The following FREM3 variants were observed in gnomAD, a reference collection of about 807,000 sequenced individuals.
FREM3 encodes FRAS1 related extracellular matrix 3, also known as FRAS1-related extracellular matrix protein 3.
FREM3 carries 105 observed loss-of-function variants against 129.1 expected under a neutral mutation model. The ratio of observed to expected loss-of-function variants is 0.81; its 90% CI spans 0.69 to 0.96. The LOEUF is 0.96. Ranked by LOEUF, FREM3 falls within the 40% of genes least tolerant of loss-of-function variation. The pLI, the probability that FREM3 is intolerant of heterozygous loss-of-function variation, is 0.00. For synonymous variants in FREM3, 1,014 were observed against 1,044.9 expected (o/e 0.97, Z 0.57); for missense variants, 2,593 against 2,666.3 (o/e 0.97, Z 0.61).
In FREM3 at chr4:143,698,953, C is replaced by A; in HGVS notation, c.1723G>T (p.Glu575Ter). ...AGCACAAAGTGGATGGTTGAGTCCT[C>A]AGAGTCAATATCAGTAGCACTCAGT... ...FVLSATDIDSEDSTIHFVLEN... is the reference protein window; with the variant it reads ...FVLSATDIDS The change falls in exon 1 of 8, where the codon GAG becomes TAG. Residue 575 changes from glutamate to a stop codon, truncating the protein, a stop_gained. Transcript: ENST00000329798. LOFTEE classifies it high-confidence loss of function. The A allele has an allele frequency of 1.3e-6, 2 of 1,537,212 alleles. No homozygotes were observed. The highest frequency in any genetic ancestry group is 8.7e-7 in the Non-Finnish European group (1 of 1,146,896).
rs542518402 is a variant in FREM3, at chr4:143,697,324, G to A, written c.3352C>T (p.Leu1118=). Residue 1118 remains leucine, a synonymous_variant, in exon 1 of 8, where the codon CTG becomes TTG. Coordinates refer to ENST00000329798, the MANE Select transcript of FREM3 (RefSeq NM_001168235.2). ...CCAGGAGCTGATGCAATCTTTTCCA[G>A]GTAGCCAGAGGCTGGCTGACTAGTC... ...TVTSQPASGY[L]EKIASAPGSK... The A allele has an allele frequency of 1.2e-5, 18 of 1,537,152 alleles. No homozygotes were observed. The African/African-American group carries it at 1.4e-4, about 12-fold the overall frequency.
chr4:143,671,848 G>C (rs1012992830), intron 2 of FREM3, among the ~76,000 whole-genome samples: 1 of 152,208 alleles, frequency 6.6e-6, no homozygotes, highest in African/African-American at 2.4e-5. Flanking sequence ...GTATGGGCAA[G>C]TCTACATCAC....
chr4:143,697,127 A>T lies in FREM3; in HGVS notation c.3549T>A (p.Pro1183=), dbSNP rs1483592635. The T allele has an allele frequency of 6.5e-7, 1 of 1,537,784 alleles. No individual in the cohort carries two copies. The highest frequency in any genetic ancestry group is 8.7e-7 in the Non-Finnish European group (1 of 1,147,052). ...GINFSPNVFF[P]IIILPTNDEQ... is the part of the protein sequence containing the mutation. ...CATCATTGGTGGGTAGGATGATTAT[A>T]GGGAAGAAGACATTTGGGGAGAAGT... The change falls in exon 1 of 8, where the codon CCT becomes CCA. Residue 1183 remains proline (P), a synonymous_variant. Transcript: ENST00000329798.
At position 143,627,341 on chromosome 4, in the gene FREM3, T is replaced by C. The variant is rs1192289361; in HGVS notation, c.5422+273A>G. ...ATTGTGGGATGGCTATGAAGTGTCT[T>C]AATTTTCCTGGAGACTGGTGAGTTA... On this transcript the variant is annotated intron_variant, in intron 3 of 7. Coordinates refer to ENST00000329798, the MANE Select transcript of FREM3 (RefSeq NM_001168235.2). 2.0e-5 allele frequency among the ~76,000 whole-genome samples: 3 copies of C among 152,194 alleles called. No individual in the cohort carries two copies. In the East Asian group the frequency reaches 5.8e-4, roughly 29 times the overall value.
intron 2 of FREM3, among the ~76,000 whole-genome samples, chr4:143,636,818 A>T (rs1011493020): frequency 1.3e-5 from 2 of 152,168 alleles, no homozygotes; most frequent in Non-Finnish European, 2.9e-5. Flanking sequence ...ATAAATGCTG[A>T]CTCTCAAATA....
intron 4 of FREM3, among the ~76,000 whole-genome samples, chr4:143,621,513 A>G (rs1462831639): frequency 1.3e-5 from 2 of 152,106 alleles, no homozygotes; most frequent in East Asian, 3.9e-4. Flanking sequence ...TTTACTGTTT[A>G]TTTTTTAATA....
chr4:143,671,599 A>G (rs1434568523), intron 2 of FREM3, among the ~76,000 whole-genome samples: 1 of 152,172 alleles, frequency 6.6e-6, no homozygotes, highest in Non-Finnish European at 1.5e-5. Context: ...TAAAATTCTC[A>G]TTTTATTTGT....
chr4:143,677,020 T>C (rs1271578505), intron 2 of FREM3, among the ~76,000 whole-genome samples: 5 of 152,174 alleles, frequency 3.3e-5, no homozygotes, highest in Admixed American at 6.5e-5. Context: ...AATGACTTTC[T>C]TCACTGAATT....
chr4:143,577,700 C>A lies in FREM3; in HGVS notation c.6331G>T (p.Ala2111Ser). Residue 2111 changes from alanine (A) to serine (S), a missense_variant, in exon 8 of 8, where the codon GCA becomes TCA. Ala to Ser is a moderately conservative substitution (Grantham distance 99). Coordinates refer to ENST00000329798, the MANE Select transcript of FREM3 (RefSeq NM_001168235.2). ...FELLLQMPMG[A>S]VLGEPNKTTI... Reference sequence around the variant, plus strand: ...GTTTTATTTGGTTCTCCAAGCACTGCACCCATAGGCATCTGAAGAAGTAAT... The same window carrying A: ...GTTTTATTTGGTTCTCCAAGCACTGAACCCATAGGCATCTGAAGAAGTAAT... 9.8e-6 allele frequency: 15 copies of A among 1,537,280 alleles called. No homozygotes were observed. The highest frequency in any genetic ancestry group is 1.3e-5 in the Non-Finnish European group (15 of 1,146,900).
intron 2 of FREM3, among the ~76,000 whole-genome samples, chr4:143,634,904 A>G (rs1019645636): frequency 5.9e-5 from 9 of 152,110 alleles, no homozygotes; most frequent in Non-Finnish European, 4.4e-5. Context: ...ATCATTGCCT[A>G]GACCTTAGCT....
In FREM3 at chr4:143,697,624, C is replaced by G; in HGVS notation, c.3052G>C (p.Ala1018Pro). ...ACTTCACCTGCAGTGTGGGCATAGG[C>G]TACTCTCCCATTGATGAGATCCTCT... The part of the protein sequence containing the change: ...TQEDLINGRV[A>P]YAHTAGEVGF... Residue 1018 changes from alanine to proline, a missense_variant, in exon 1 of 8, where the codon GCC (alanine) becomes CCC (proline). By Grantham distance (27) the Ala-to-Pro change is conservative. Coordinates refer to ENST00000329798, the MANE Select transcript of FREM3 (RefSeq NM_001168235.2). 1.3e-6 allele frequency: 2 copies of G among 1,537,830 alleles called. No individual in the cohort carries two copies. The highest frequency in any genetic ancestry group is 1.2e-5 in the South Asian group (1 of 84,060).
At chr4:143,662,161 A>G (rs1229135044) in intron 2 of FREM3, among the ~76,000 whole-genome samples, 1 of 151,878 alleles carries the variant, frequency 6.6e-6, no homozygotes, top group Non-Finnish European at 1.5e-5. Flanking sequence ...TTGCTTTTCT[A>G]GTTCTTTAAT....
Position 143,624,189 on chromosome 4 carries a change from GGAAGGTCTCT to G in FREM3, c.5562_5571del (p.Glu1855ArgfsTer23). ...ATGAGAGGTTCAGACAGAATGATCTGGAAGGTCTCTGAAGTCTCATATTCATTGTCAGGTA... is the reference window on the plus strand; with the variant it reads ...ATGAGAGGTTCAGACAGAATGATCTGGAAGTCTCATATTCATTGTCAGGTA... On this transcript the variant is annotated frameshift_variant, in exon 4 of 8. Transcript: ENST00000329798. LOFTEE classifies it high-confidence loss of function. 1 of 1,536,778 alleles carries G rather than the reference GGAAGGTCTCT, an allele frequency of 6.5e-7. No individual in the cohort carries two copies. Among genetic ancestry groups the G allele is most frequent in the Non-Finnish European group, 8.7e-7 (1 of 1,146,542 alleles).
chr4:143,635,930 A>G (rs1022028587), intron 2 of FREM3, among the ~76,000 whole-genome samples: 1 of 152,128 alleles, frequency 6.6e-6, no homozygotes, highest in Non-Finnish European at 1.5e-5. Context: ...TCAGGTTGTC[A>G]GGTTCAGTTG....
chr4:143,651,636 A>G (rs1277496109), intron 2 of FREM3, among the ~76,000 whole-genome samples: 1 of 152,184 alleles, frequency 6.6e-6, no homozygotes, highest in South Asian at 2.1e-4. Context: ...AAATGCTATA[A>G]GTCGGTTTCT....
chr4:143,613,550 T>C (rs1393867954), intron 5 of FREM3, among the ~76,000 whole-genome samples: 4 of 152,176 alleles, frequency 2.6e-5, no homozygotes, highest in Non-Finnish European at 5.9e-5. Flanking sequence ...CAAGATGAGA[T>C]GAAACACTGT....
intron 2 of FREM3, among the ~76,000 whole-genome samples, chr4:143,641,924 TA>T (rs1207619185): frequency 2.0e-5 from 3 of 152,202 alleles, no homozygotes; most frequent in Non-Finnish European, 4.4e-5. Context: ...CTGGGTCTGT[TA>T]GGCATCATTT....
chr4:143,696,495 C>G lies in FREM3; in HGVS notation c.4181G>C (p.Gly1394Ala), dbSNP rs1474018740. Residue 1394 changes from glycine to alanine, a missense_variant, in exon 1 of 8, where the codon GGG becomes GCG. This residue lies in a region of FREM3 where 2,276 missense variants were observed against 2,267.2 expected (regional missense o/e 1.00). Coordinates refer to ENST00000329798, the MANE Select transcript of FREM3 (RefSeq NM_001168235.2). Reference protein sequence around the residue: ...LICYIHTGQEGIVDIIKFDVT... With the variant: ...LICYIHTGQEAIVDIIKFDVT... ...ATCAAACTTGATAATGTCAACAATC[C>G]CTTCTTGGCCTGTGTGGATATAGCA... 1 of 1,537,500 alleles carries G rather than the reference C, an allele frequency of 6.5e-7. No individual in the cohort carries two copies. Among genetic ancestry groups the G allele is most frequent in the Non-Finnish European group, 8.7e-7 (1 of 1,146,982 alleles).
intron 2 of FREM3, among the ~76,000 whole-genome samples, chr4:143,678,459 G>A (rs578210321): frequency 1.3e-5 from 2 of 152,128 alleles, no homozygotes; most frequent in South Asian, 4.2e-4. Context: ...GTTAATGGGT[G>A]CAGCACATCA....
Sources: gnomAD v4.1 joint callset for allele counts (sites outside exome capture counted in the v4.1 genomes callset) on GRCh38, gnomAD v4.1.1 for gene constraint, gnomAD v4.1.1 regional missense constraint, MANE v1.5 for transcripts, NCBI Gene and HGNC (gene_info 2026-07-23, HGNC 2026-07-21) for gene names.